KALRN: variants seen among roughly 807,000 people sequenced by gnomAD.
KALRN encodes the protein kalirin RhoGEF kinase.
KALRN carries 70 observed loss-of-function variants against 353.7 expected under a neutral mutation model. The ratio of observed to expected loss-of-function variants is 0.20; its 90% confidence interval spans 0.16 to 0.24. The LOEUF is 0.24. KALRN is among the 10% of genes least tolerant of loss of function. The pLI is 1.00. For synonymous variants in KALRN, 1,391 were observed against 1,434.8 expected, an observed-to-expected ratio of 0.97 and a Z score of 0.69; for missense variants, 2,791 against 3,756.7, an observed-to-expected ratio of 0.74 and a Z score of 6.72.
chr3:124,277,842 G>T (rs1048846501), intron 5 of KALRN, among the ~76,000 whole-genome samples: 3 of 152,180 alleles, frequency 2.0e-5, no homozygotes, highest in African/African-American at 7.2e-5. Context: ...CTTATGAATG[G>T]ACCCCATAGA....
intron 27 of KALRN, among the ~76,000 whole-genome samples, chr3:124,481,414 C>T (rs896333958): frequency 1.3e-5 from 2 of 152,096 alleles, no homozygotes; most frequent in African/African-American, 4.8e-5. Flanking sequence ...GCCATGTTGC[C>T]CCGGCTGGTC....
chr3:124,458,534 C>T (rs1211734054), intron 23 of KALRN, among the ~76,000 whole-genome samples: 1 of 152,086 alleles, frequency 6.6e-6, no homozygotes, highest in Non-Finnish European at 1.5e-5. Flanking sequence ...AAGCATATGT[C>T]CCTAGCTAGA....
chr3:124,084,850 G>A (rs2060722898), intron 1 of KALRN, among the ~76,000 whole-genome samples: 1 of 152,196 alleles, frequency 6.6e-6, no homozygotes, highest in African/African-American at 2.4e-5. Context: ...ATGGAATCCA[G>A]GCTCAGGGCT....
intron 13 of KALRN, among the ~76,000 whole-genome samples, chr3:124,410,048 G>C (rs781651730): frequency 4.6e-5 from 7 of 152,050 alleles, no homozygotes; most frequent in Non-Finnish European, 8.8e-5. Flanking sequence ...GATGAGAGTG[G>C]AGGAGGGTAA....
At chr3:124,604,585 A>T (rs7648525) in intron 34 of KALRN, among the ~76,000 whole-genome samples, 90,740 of 152,054 alleles carry the variant, frequency 0.6, 27,288 homozygotes, top group East Asian at 0.83. Context: ...AATAATAGTG[A>T]TTACTATGTA....
chr3:124,173,132 C>G (rs2072124297), intron 1 of KALRN, among the ~76,000 whole-genome samples: 1 of 152,066 alleles, frequency 6.6e-6, no homozygotes, highest in Admixed American at 6.5e-5. Flanking sequence ...GAAAAATTCA[C>G]AGCAAGTAGA....
At chr3:124,421,503 T>A (rs186155383) in intron 14 of KALRN, among the ~76,000 whole-genome samples, 1 of 152,154 alleles carries the variant, frequency 6.6e-6, no homozygotes, top group African/African-American at 2.4e-5. Flanking sequence ...GTTTAGGAGG[T>A]AGGTAGCTTA....
intron 1 of KALRN, among the ~76,000 whole-genome samples, chr3:124,155,637 T>C (rs1233431421): frequency 6.6e-6 from 1 of 152,242 alleles, no homozygotes; most frequent in Non-Finnish European, 1.5e-5. Context: ...CATTAGAAGA[T>C]GGATATGGAG....
intron 3 of KALRN, among the ~76,000 whole-genome samples, chr3:124,242,581 G>A (rs1209700810): frequency 6.6e-6 from 1 of 152,204 alleles, no homozygotes; most frequent in Admixed American, 6.5e-5. Flanking sequence ...AATGGAAGAG[G>A]GCGGTAGGGA....
intron 5 of KALRN, among the ~76,000 whole-genome samples, chr3:124,286,975 G>T (rs538191133): frequency 1.3e-5 from 2 of 152,218 alleles, no homozygotes; most frequent in Non-Finnish European, 2.9e-5. Flanking sequence ...TCTTATTCAA[G>T]AATACAATTA....
chr3:124,399,019 GCATATTCCTTC>G (rs946858698), intron 13 of KALRN, 148 bp downstream of exon 13: 2 of 749,562 alleles, frequency 2.7e-6, no homozygotes, highest in African/African-American at 3.6e-5. Flanking sequence ...GTCCACCATG[GCATATTCCTTC>G]CAGTCCCTCT....
intron 10 of KALRN, among the ~76,000 whole-genome samples, chr3:124,347,576 C>T (rs1435531215): frequency 6.6e-6 from 1 of 151,992 alleles, no homozygotes; most frequent in Non-Finnish European, 1.5e-5. Flanking sequence ...TGAAAAAGAT[C>T]TTCCTGCTGG....
chr3:124,473,565 A>G (rs683292), intron 25 of KALRN, among the ~76,000 whole-genome samples: 150,873 of 152,302 alleles, frequency 0.99, 74,740 homozygotes, highest in Non-Finnish European at 1. Context: ...AGCTTCTCCC[A>G]GAGTTCTTCC....
At chr3:124,656,859 AT>A (rs1397202926) in intron 39 of KALRN, among the ~76,000 whole-genome samples, 1 of 152,140 alleles carries the variant, frequency 6.6e-6, no homozygotes, top group Non-Finnish European at 1.5e-5. Flanking sequence ...AAGAGGTACA[AT>A]AGCTTCCATA....
At chr3:124,614,509 C>T (rs762145629) in intron 34 of KALRN, among the ~76,000 whole-genome samples, 3 of 151,924 alleles carry the variant, frequency 2.0e-5, no homozygotes, top group Non-Finnish European at 4.4e-5. Context: ...ATCTGCCCAC[C>T]TCAGCCTCCT....
intron 6 of KALRN, among the ~76,000 whole-genome samples, chr3:124,311,034 G>A (rs993678491): frequency 9.8e-5 from 13 of 132,062 alleles, no homozygotes; most frequent in African/African-American, 2.7e-4. Flanking sequence ...TCAGGGAAAC[G>A]TAAATCAAAA....
rs146863571 is a variant in KALRN at position 124,667,000 on chromosome 3, G to A, written c.6532-12G>A. ...TTTTAAATGTAAAAAGGATCAACTC[G>A]TTTTCTTCCAGATGAATTACTTGGT... On this transcript the variant is annotated splice_polypyrimidine_tract_variant and intron_variant, in intron 46 of 59. Coordinates refer to ENST00000682506, the MANE Select transcript of KALRN (RefSeq NM_001388419.1). The A allele has an allele frequency of 3.3e-4, 530 of 1,586,004 alleles. 4 individuals carry two copies. The East Asian group carries it at 7.6e-3, about 23-fold the overall frequency.
At chr3:124,448,920 TC>T (rs1210107097) in intron 21 of KALRN, among the ~76,000 whole-genome samples, 8 of 152,328 alleles carry the variant, frequency 5.3e-5, no homozygotes, top group Middle Eastern at 3.4e-3. Flanking sequence ...CACCCCCTCC[TC>T]ATTTATATTT....
intron 34 of KALRN, among the ~76,000 whole-genome samples, chr3:124,566,981 G>A (rs1221215571): frequency 6.6e-6 from 1 of 152,186 alleles, no homozygotes; most frequent in East Asian, 1.9e-4. Flanking sequence ...TAAGCACCTT[G>A]TGAGTGCTCA....
Sources: gnomAD v4.1 joint callset for allele counts (sites outside exome capture counted in the v4.1 genomes callset) on GRCh38, gnomAD v4.1.1 for gene constraint, MANE v1.5 for transcripts, NCBI Gene and HGNC (gene_info 2026-07-23, HGNC 2026-07-21) for gene names.